The following PPIP5K2 variants were observed in gnomAD, a reference collection of about 807,000 sequenced individuals.
The protein encoded by PPIP5K2 is inositol hexakisphosphate and diphosphoinositol-pentakisphosphate kinase 2.
A neutral mutation model predicts 154.6 loss-of-function variants in PPIP5K2; 105 were observed. The ratio of observed to expected loss-of-function variants is 0.68; its 90% CI spans 0.58 to 0.80. The LOEUF (loss-of-function observed/expected upper bound fraction) is 0.80. Among genes scored for constraint, PPIP5K2 ranks in the 30% least tolerant of loss-of-function variants. PPIP5K2 has a pLI of 0.00. For synonymous variants in PPIP5K2, 480 were observed against 490.3 expected (o/e 0.98, Z 0.28); for missense variants, 992 against 1,504.6 (o/e 0.66, Z 5.64).
rs1554232329 is a variant in PPIP5K2 at position 103,207,121 on chromosome 5, C to T, written c.*5487C>T. ...TCCTGAGCACCAGATACAACTCCCT[C>T]CAGAGACTGGCTGTGTTTAAATCTC... On this transcript the variant is annotated 3_prime_UTR_variant, in exon 31 of 31. Transcript: ENST00000358359. 6.6e-6 allele frequency: 1 copy of T among 152,264 alleles called. No homozygotes were observed. Among genetic ancestry groups the T allele is most frequent in the Non-Finnish European group, 1.5e-5 (1 of 68,144 alleles). The allele number at this position is 152,264 out of a possible 1,614,324, so 9.4% of individuals were successfully genotyped here. A position where few individuals can be genotyped will look rare whatever the true frequency, so the allele number is the denominator to read the frequency against.
chr5:103,165,196 G>A (rs1467165742), intron 17 of PPIP5K2, among the ~76,000 whole-genome samples: 1 of 151,986 alleles, frequency 6.6e-6, no homozygotes, highest in African/African-American at 2.4e-5. Context: ...GACAGCTAAG[G>A]TTTAATATTT....
chr5:103,179,403 A>T (rs1554221887), intron 23 of PPIP5K2, among the ~76,000 whole-genome samples: 1 of 152,024 alleles, frequency 6.6e-6, no homozygotes, highest in African/African-American at 2.4e-5. Context: ...TGGATATTTG[A>T]TATAAAAATT....
chr5:103,200,030 A>G, intron 30 of PPIP5K2, among the ~76,000 whole-genome samples: 1 of 152,244 alleles, frequency 6.6e-6, no homozygotes, highest in East Asian at 1.9e-4. Flanking sequence ...GGTATGTTAT[A>G]GAAACTCTGG....
At chr5:103,179,813 A>C (rs868914014) in intron 23 of PPIP5K2, among the ~76,000 whole-genome samples, 4 of 152,142 alleles carry the variant, frequency 2.6e-5, no homozygotes, top group Middle Eastern at 3.4e-3. Flanking sequence ...GAGTATATGT[A>C]TTTTTGAACT....
intron 17 of PPIP5K2, among the ~76,000 whole-genome samples, chr5:103,163,196 A>G (rs1022363196): frequency 1.3e-5 from 2 of 151,110 alleles, no homozygotes; most frequent in Non-Finnish European, 2.9e-5. Flanking sequence ...AGTTTGTGCA[A>G]ATTTACATTT....
At chr5:103,171,050 A>G (rs530835342) in intron 19 of PPIP5K2, among the ~76,000 whole-genome samples, 81 of 151,578 alleles carry the variant, frequency 5.3e-4, no homozygotes, top group African/African-American at 1.8e-3. Flanking sequence ...TCTTACATTG[A>G]TTGATTAATT....
Position 103,190,871 on chromosome 5 carries a change from A to G in PPIP5K2, c.3382A>G (p.Ile1128Val), listed in dbSNP as rs2149800451. 3 of 1,605,620 alleles carry G rather than the reference A, an allele frequency of 1.9e-6. No individual in the cohort carries two copies. Among genetic ancestry groups the G allele is most frequent in the African/African-American group, 1.3e-5 (1 of 74,380 alleles). The change falls in exon 29 of 31, where the codon ATT becomes GTT. Residue 1128 changes from isoleucine (I) to valine (V), a missense_variant. Ile to Val is a conservative substitution (Grantham distance 29). This residue lies in a region of PPIP5K2 where 29 missense variants were observed against 56.4 expected (regional missense o/e 0.51). Transcript: ENST00000358359. ...TGAATTGTATTCCATGGTGCCATCT[A>G]TTTGTCCTCTAGAAACTCTTCATAA... ...GFELYSMVPS[I>V]CPLETLHNAL... is the part of the protein sequence containing the mutation.
At chr5:103,168,953 G>A (rs373372021) in intron 19 of PPIP5K2, among the ~76,000 whole-genome samples, 1 of 151,852 alleles carries the variant, frequency 6.6e-6, no homozygotes, top group African/African-American at 2.4e-5. Flanking sequence ...GGAAATATGT[G>A]GAGAGTAACA....
At chr5:103,155,327 C>T (rs1554212816) in intron 13 of PPIP5K2, among the ~76,000 whole-genome samples, 1 of 143,424 alleles carries the variant, frequency 7.0e-6, no homozygotes, top group Non-Finnish European at 1.5e-5. Context: ...TAATCTCTTA[C>T]AATCTTATTT....
intron 21 of PPIP5K2, among the ~76,000 whole-genome samples, chr5:103,174,598 T>A (rs190209205): frequency 6.6e-6 from 1 of 152,234 alleles, no homozygotes; most frequent in Non-Finnish European, 1.5e-5. Context: ...TCATGTGGCC[T>A]GCTTCCTCAA....
chr5:103,188,850 G>C (rs1370795760), intron 28 of PPIP5K2: 1 of 230,698 alleles, frequency 4.3e-6, no homozygotes, highest in Non-Finnish European at 8.3e-6. Context: ...ATATTCCTTT[G>C]GTTTAGGCTC....
intron 19 of PPIP5K2, among the ~76,000 whole-genome samples, chr5:103,169,544 GT>G (rs1797639866): frequency 6.6e-6 from 1 of 151,610 alleles, no homozygotes; most frequent in African/African-American, 2.4e-5. Flanking sequence ...TTGTATACGT[GT>G]TAACAATTAG....
chr5:103,148,233 G>T, intron 7 of PPIP5K2: 1 of 609,982 alleles, frequency 1.6e-6, no homozygotes, highest in Non-Finnish European at 3.0e-6. Flanking sequence ...GTTTTTAAAT[G>T]CTTTAAACAT....
At position 103,190,941 on chromosome 5, in the gene PPIP5K2, C is replaced by G; in HGVS notation, c.3452C>G (p.Ala1151Gly). Residue 1151 changes from alanine (A) to glycine (G), a missense_variant, in exon 29 of 31, where the codon GCT becomes GGT. Physicochemically the swap from Ala to Gly is moderately conservative, Grantham distance 60. Coordinates refer to ENST00000358359, the MANE Select transcript of PPIP5K2 (RefSeq NM_001276277.3). ...GTGGATGAATTTCTTGCTTCCATTG[C>G]TTCTCCATCATCTGACGTTCCACGG... ...KQVDEFLASI[A>G]SPSSDVPRKT... is the part of the protein sequence containing the mutation. 1.9e-6 allele frequency: 3 copies of G among 1,610,502 alleles called. No homozygotes were observed. Among genetic ancestry groups the G allele is most frequent in the Non-Finnish European group, 2.5e-6 (3 of 1,178,094 alleles).
intron 21 of PPIP5K2, among the ~76,000 whole-genome samples, chr5:103,176,407 TC>T (rs1798716435): frequency 6.6e-6 from 1 of 151,978 alleles, no homozygotes; most frequent in African/African-American, 2.4e-5. Context: ...ATTTATGTTT[TC>T]CCTTATCAAT....
At chr5:103,148,480 T>G (rs546898872) in intron 7 of PPIP5K2, among the ~76,000 whole-genome samples, 2 of 152,284 alleles carry the variant, frequency 1.3e-5, no homozygotes, top group Admixed American at 1.3e-4. Flanking sequence ...CAAATAGGTC[T>G]TAATCGCTTT....
At chr5:103,192,057 T>C (rs968672200) in intron 29 of PPIP5K2, among the ~76,000 whole-genome samples, 2 of 152,112 alleles carry the variant, frequency 1.3e-5, no homozygotes, top group African/African-American at 4.8e-5. Flanking sequence ...ATTCTCTTTA[T>C]ATTTTGTCTA....
At position 103,198,306 on chromosome 5, in the gene PPIP5K2, A is replaced by T. The variant is rs190597706; in HGVS notation, c.3620-3216A>T. On this transcript the variant is annotated intron_variant, in intron 30 of 30. Coordinates refer to ENST00000358359, the MANE Select transcript of PPIP5K2 (RefSeq NM_001276277.3). ...TGGCTTAACATCTGGAATATTTTGA[A>T]TATAATTTGTGTACTAAAAAAAAAA... Among the ~76,000 whole-genome samples the T allele has an allele frequency of 3.8e-3, 573 of 152,006 alleles. 1 individual carries two copies. Among genetic ancestry groups the T allele is most frequent in the Non-Finnish European group, 5.8e-3 (394 of 67,940 alleles).
At chr5:103,184,637 TCTTTTA>T (rs1268266794) in intron 25 of PPIP5K2, 29 bp from the exon 26 acceptor site, 1 of 1,520,490 alleles carries the variant, frequency 6.6e-7, no homozygotes, top group Non-Finnish European at 9.1e-7. Flanking sequence ...TTTATTTTAC[TCTTTTA>T]CTTCATTTAT....
Sources: gnomAD v4.1 joint callset for allele counts (sites outside exome capture counted in the v4.1 genomes callset) on GRCh38, gnomAD v4.1.1 for gene constraint, gnomAD v4.1.1 regional missense constraint, MANE v1.5 for transcripts, NCBI Gene and HGNC (gene_info 2026-07-23, HGNC 2026-07-21) for gene names.